The following ACP3 variants were observed in gnomAD, a reference collection of about 807,000 sequenced individuals.
ACP3 encodes prostatic acid phosphatase.
ACP3 carries 38 observed loss-of-function variants against 45.6 expected under a neutral mutation model. The ratio of observed to expected loss-of-function variants is 0.83; its 90% CI spans 0.64 to 1.09. The LOEUF is 1.09. Ranked by LOEUF, ACP3 falls within the 50% of genes least tolerant of loss-of-function variation. The pLI, the probability that ACP3 is intolerant of heterozygous loss-of-function variation, is 0.00. For missense variants in ACP3, 466 were observed against 463.2 expected (o/e 1.01, Z -0.05); for synonymous variants, 162 against 164.7 (o/e 0.98, Z 0.13).
chr3:132,334,025 C>T (rs1364247462), intron 4 of ACP3, among the ~76,000 whole-genome samples: 8 of 152,094 alleles, frequency 5.3e-5, no homozygotes, highest in Non-Finnish European at 1.2e-4. Flanking sequence ...GAGCCAAGAT[C>T]GCACCGTTGC....
At position 132,328,299 on chromosome 3, in the gene ACP3, C is replaced by T. The variant is rs1937336904; in HGVS notation, c.153C>T (p.Asp51=). ...VFRHGDRSPI[D]TFPTDPIKES... is the part of the protein sequence containing the mutation. Reference sequence around the variant, plus strand: ...GGCATGGAGACCGAAGTCCCATTGACACCTTTCCCACTGACCCCATAAAGG... The same window carrying T: ...GGCATGGAGACCGAAGTCCCATTGATACCTTTCCCACTGACCCCATAAAGG... Residue 51 remains aspartate, a synonymous_variant, in exon 2 of 10, where the codon GAC becomes GAT. Coordinates refer to ENST00000336375, the MANE Select transcript of ACP3 (RefSeq NM_001099.5). 1 of 1,613,954 alleles carries T rather than the reference C, an allele frequency of 6.2e-7. No individual in the cohort carries two copies. Among genetic ancestry groups the T allele is most frequent in the Non-Finnish European group, 8.5e-7 (1 of 1,179,878 alleles).
At chr3:132,355,763 G>A (rs906032974) in intron 9 of ACP3, among the ~76,000 whole-genome samples, 6 of 152,126 alleles carry the variant, frequency 3.9e-5, no homozygotes, top group South Asian at 2.1e-4. Flanking sequence ...TGATCCACCC[G>A]CCTCGACCTC....
intron 10 of ACP3, among the ~76,000 whole-genome samples, chr3:132,365,985 A>T (rs1412855183): frequency 1.0e-4 from 15 of 150,260 alleles, no homozygotes; most frequent in Non-Finnish European, 1.9e-4. Context: ...GCAAGACTCC[A>T]TCTCCCAAAA....
intron 8 of ACP3, 148 bp from the exon 9 acceptor site, chr3:132,352,572 C>A (rs1481372992): frequency 3.3e-6 from 2 of 614,926 alleles, no homozygotes; most frequent in Admixed American, 5.5e-5. Flanking sequence ...TAATGCTCAA[C>A]CAAAATCTTT....
At chr3:132,347,844 T>TACAC (rs112045628) in intron 7 of ACP3, among the ~76,000 whole-genome samples, 1,640 of 144,936 alleles carry the variant, frequency 0.011, 16 homozygotes, top group African/African-American at 0.015. Context: ...CACACACACA[T>TACAC]ACACACACAC....
At chr3:132,356,598 G>C in intron 9 of ACP3, 88 bp from the exon 10 acceptor site, 1 of 1,597,584 alleles carries the variant, frequency 6.3e-7, no homozygotes, top group South Asian at 1.1e-5. Flanking sequence ...CCCTCAACTG[G>C]CATGTAATAG....
At chr3:132,367,138 C>T (rs1325263984) in intron 10 of ACP3, among the ~76,000 whole-genome samples, 2 of 152,090 alleles carry the variant, frequency 1.3e-5, no homozygotes, top group African/African-American at 2.4e-5. Flanking sequence ...CATCTCATTA[C>T]GAAATGGCCC....
At chr3:132,355,568 A>G (rs1489295323) in intron 9 of ACP3, among the ~76,000 whole-genome samples, 1 of 148,460 alleles carries the variant, frequency 6.7e-6, no homozygotes, top group East Asian at 1.9e-4. Flanking sequence ...CCCAGGCTAG[A>G]GTGTAGTGGC....
intron 5 of ACP3, among the ~76,000 whole-genome samples, chr3:132,339,379 G>A (rs1441126099): frequency 6.6e-6 from 1 of 152,204 alleles, no homozygotes; most frequent in Admixed American, 6.5e-5. Flanking sequence ...CACCAGCTGG[G>A]TGGCCTCCAA....
chr3:132,352,639 C>A, intron 8 of ACP3, 81 bp from the exon 9 acceptor site: 4 of 906,508 alleles, frequency 4.4e-6, no homozygotes, highest in Non-Finnish European at 7.2e-6. Flanking sequence ...GAATCAGAAG[C>A]CATCATGGTG....
chr3:132,331,607 C>A, intron 2 of ACP3, 40 bp from the exon 3 acceptor site: 2 of 1,490,152 alleles, frequency 1.3e-6, no homozygotes, highest in Non-Finnish European at 9.1e-7. Context: ...ATTCATAGAA[C>A]TTACTTTCAT....
At chr3:132,359,034 C>T (rs1428124635), downstream of ACP3, among the ~76,000 whole-genome samples, 1 of 152,042 alleles carries the variant, frequency 6.6e-6, no homozygotes, top group African/African-American at 2.4e-5. Flanking sequence ...TAAGGAAACA[C>T]CCTCAGGAAG....
chr3:132,356,351 C>T (rs3853147), intron 9 of ACP3, among the ~76,000 whole-genome samples: 53,314 of 151,762 alleles, frequency 0.35, 9,669 homozygotes, highest in Middle Eastern at 0.5. Flanking sequence ...GAAAACCCAA[C>T]ACCCCCACCT....
chr3:132,349,950 T>C lies in ACP3; in HGVS notation c.812T>C (p.Met271Thr). Reference sequence around the variant, plus strand: ...CTGGTCAATGAAATCCTCAATCACATGAAGAGAGCAACTCAGATACCAAGC... The same window carrying C: ...CTGGTCAATGAAATCCTCAATCACACGAAGAGAGCAACTCAGATACCAAGC... ...GVLVNEILNH[M>T]KRATQIPSYK... Residue 271 changes from methionine to threonine, a missense_variant, in exon 8 of 10, where the codon ATG (methionine) becomes ACG (threonine). Transcript: ENST00000336375. 3 of 1,613,116 alleles carry C rather than the reference T, an allele frequency of 1.9e-6. No individual in the cohort carries two copies. The highest frequency in any genetic ancestry group is 2.5e-6 in the Non-Finnish European group (3 of 1,179,134).
intron 2 of ACP3, among the ~76,000 whole-genome samples, chr3:132,329,782 C>G (rs1319993262): frequency 6.6e-6 from 1 of 152,118 alleles, no homozygotes; most frequent in African/African-American, 2.4e-5. Context: ...GATTCTAATT[C>G]AGCAGGTCTG....
chr3:132,361,431 C>T (rs760792795), downstream of ACP3, among the ~76,000 whole-genome samples: 13 of 152,176 alleles, frequency 8.5e-5, no homozygotes, highest in African/African-American at 1.7e-4. Context: ...ACAGCTATAA[C>T]GCTGACCTGT....
At chr3:132,326,182 G>C (rs75489161) in intron 1 of ACP3, among the ~76,000 whole-genome samples, 3,764 of 150,806 alleles carry the variant, frequency 0.025, 144 homozygotes, top group African/African-American at 0.09. Context: ...GATGCTGCTA[G>C]ACATTCTACA....
intron 5 of ACP3, among the ~76,000 whole-genome samples, chr3:132,341,698 G>A (rs1202923556): frequency 6.6e-6 from 1 of 152,202 alleles, no homozygotes; most frequent in Non-Finnish European, 1.5e-5. Flanking sequence ...CTCTTGAAAA[G>A]CTTGGTAGAA....
Position 132,356,659 on chromosome 3 carries a change from G to A in ACP3, c.969-27G>A, listed in dbSNP as rs539468119. 581 of 1,612,904 alleles carry A rather than the reference G, an allele frequency of 3.6e-4. 4 individuals carry two copies. In the South Asian group the frequency reaches 6.1e-3, roughly 17 times the overall value. ...AGTTCAACAACACAGAACTAACAGA[G>A]CTCTCTCCTCTGCCTTTGTCTGCCA... On this transcript the variant is annotated intron_variant, in intron 9 of 9. Coordinates refer to ENST00000336375, the MANE Select transcript of ACP3 (RefSeq NM_001099.5).
Sources: allele counts gnomAD v4.1 joint callset (sites outside exome capture counted in the v4.1 genomes callset), GRCh38; gene constraint gnomAD v4.1.1; transcripts MANE v1.5; gene names NCBI Gene and HGNC (gene_info 2026-07-23, HGNC 2026-07-21).